GDAP1: variants seen among roughly 807,000 people sequenced by gnomAD.
The protein encoded by GDAP1 is ganglioside induced differentiation associated protein 1.
In GDAP1, 34 loss-of-function variants were observed where a neutral mutation model predicts 40.1. That is an observed-to-expected ratio of 0.85 (90% confidence interval 0.64 to 1.13). The LOEUF (loss-of-function observed/expected upper bound fraction) is 1.13, where lower values mean the gene tolerates loss of function less well. GDAP1 is among the 50% of genes most tolerant of loss of function. The probability of loss-of-function intolerance (pLI) is 0.00; values close to 1 mark genes in which losing one functional copy is unlikely to be tolerated. For missense variants in GDAP1, 374 were observed against 433.7 expected, an observed-to-expected ratio of 0.86 and a Z score of 1.22; for synonymous variants, 170 against 157.4, an observed-to-expected ratio of 1.08 and a Z score of -0.60.
chr8:74,433,715 C>T (rs1053075785), intron 2 of GDAP1, among the ~76,000 whole-genome samples: 3 of 152,054 alleles, frequency 2.0e-5, no homozygotes, highest in South Asian at 2.1e-4. Context: ...CTTTGGCTAT[C>T]GGGAGGTGAT....
At chr8:74,388,373 G>A (rs1166306987) in intron 2 of GDAP1, among the ~76,000 whole-genome samples, 2 of 151,736 alleles carry the variant, frequency 1.3e-5, no homozygotes, top group African/African-American at 2.4e-5. Context: ...ATTCTGGTAC[G>A]CTGTGTTTTT....
intron 2 of GDAP1, among the ~76,000 whole-genome samples, chr8:74,398,410 T>G (rs1810249654): frequency 6.6e-6 from 1 of 152,184 alleles, no homozygotes; most frequent in South Asian, 2.1e-4. Context: ...ATCCTGAGAC[T>G]TTGCTGAAGT....
chr8:74,426,923 G>A (rs1188543615), intron 2 of GDAP1, among the ~76,000 whole-genome samples: 1 of 152,106 alleles, frequency 6.6e-6, no homozygotes, highest in East Asian at 1.9e-4. Context: ...GATGGCACTT[G>A]GCTTACTTTG....
At chr8:74,476,923 G>T (rs1211479341) in intron 2 of GDAP1, among the ~76,000 whole-genome samples, 1 of 132,230 alleles carries the variant, frequency 7.6e-6, no homozygotes, top group Admixed American at 7.7e-5. Flanking sequence ...GGATACAAAT[G>T]AGTCATAAAT....
At chr8:74,370,656 T>C (rs1448911715), downstream of GDAP1, among the ~76,000 whole-genome samples, 1 of 152,184 alleles carries the variant, frequency 6.6e-6, no homozygotes, top group African/African-American at 2.4e-5. Flanking sequence ...TTGCATGATA[T>C]GTAAATGTAA....
chr8:74,428,589 C>A (rs1805983490), intron 2 of GDAP1, among the ~76,000 whole-genome samples: 1 of 143,650 alleles, frequency 7.0e-6, no homozygotes, highest in South Asian at 2.2e-4. Flanking sequence ...GCCTCAGCCT[C>A]CTGAGTAGCT....
At chr8:74,478,474 T>A (rs1279442799) in intron 2 of GDAP1, among the ~76,000 whole-genome samples, 1 of 151,980 alleles carries the variant, frequency 6.6e-6, no homozygotes. Context: ...GGAGCTATGA[T>A]GTGGGCCCCC....
intron 2 of GDAP1, among the ~76,000 whole-genome samples, chr8:74,467,568 C>G (rs1310110934): frequency 2.0e-5 from 3 of 152,094 alleles, no homozygotes; most frequent in Non-Finnish European, 4.4e-5. Context: ...TCAGTAGGGC[C>G]TGGAGGGTTC....
intron 2 of GDAP1, among the ~76,000 whole-genome samples, chr8:74,466,776 G>C (rs1303951900): frequency 6.6e-6 from 1 of 152,202 alleles, no homozygotes; most frequent in African/African-American, 2.4e-5. Flanking sequence ...TTCTGATCTA[G>C]AGATACGTAC....
intron 2 of GDAP1, among the ~76,000 whole-genome samples, chr8:74,457,972 G>A (rs1252281651): frequency 6.6e-6 from 1 of 152,032 alleles, no homozygotes; most frequent in Non-Finnish European, 1.5e-5. Flanking sequence ...TATGACTTAT[G>A]ATAATTCTTT....
At chr8:74,352,372 A>G (rs1808915156) in intron 2 of GDAP1, among the ~76,000 whole-genome samples, 1 of 152,096 alleles carries the variant, frequency 6.6e-6, no homozygotes, top group African/African-American at 2.4e-5. Context: ...AGGCTGTATG[A>G]GATTGTTACT....
chr8:74,465,608 A>G (rs535332920), intron 2 of GDAP1, among the ~76,000 whole-genome samples: 1 of 152,308 alleles, frequency 6.6e-6, no homozygotes, highest in Admixed American at 6.5e-5. Context: ...TGCTTAAAAT[A>G]ACCTCAAGCC....
In GDAP1 at chr8:74,402,222, C is replaced by T. The variant is rs534778826; in HGVS notation, c.165+50901C>T. On this transcript the variant is annotated intron_variant, in intron 2 of 2. Coordinates refer to the GDAP1 transcript ENST00000523640. ...TGGGCTCCACCCAATTGGAGCTTCC[C>T]GGCTGCTTTGTTTACCTAAGCAAGC... Among the ~76,000 whole-genome samples, 22 of 150,570 alleles carry T rather than the reference C, an allele frequency of 1.5e-4. 1 individual carries two copies. The highest frequency in any genetic ancestry group is 3.5e-4 in the African/African-American group (14 of 39,848).
chr8:74,487,307 G>A (rs61434329), intron 2 of GDAP1, among the ~76,000 whole-genome samples: 6,991 of 152,144 alleles, frequency 0.046, 249 homozygotes, highest in East Asian at 0.086. Context: ...CAAAGTGAGG[G>A]AAATAGGAAA....
intron 2 of GDAP1, among the ~76,000 whole-genome samples, chr8:74,433,878 GGA>G (rs1344952092): frequency 1.3e-5 from 2 of 152,150 alleles, no homozygotes; most frequent in East Asian, 3.9e-4. Flanking sequence ...TGAGCTTCCT[GGA>G]TTGGCAATAC....
chr8:74,372,276 A>G (rs1416644875), intron 2 of GDAP1, among the ~76,000 whole-genome samples: 1 of 152,196 alleles, frequency 6.6e-6, no homozygotes, highest in Admixed American at 6.5e-5. Flanking sequence ...TCCTTTGGGT[A>G]TATACCCGGT....
Position 74,362,935 on chromosome 8 carries a change from T to G in GDAP1, c.580-4T>G. The G allele has an allele frequency of 7.7e-7, 1 of 1,292,820 alleles. No individual in the cohort carries two copies. Among genetic ancestry groups the G allele is most frequent in the Non-Finnish European group, 1.1e-6 (1 of 886,932 alleles). The allele number at this position is 1,292,820 out of a possible 1,614,324, so 80.1% of individuals were successfully genotyped here. On this transcript the variant is annotated splice_region_variant and splice_polypyrimidine_tract_variant and intron_variant, in intron 4 of 5. Coordinates refer to ENST00000220822, the MANE Select transcript of GDAP1 (RefSeq NM_018972.4). Reference sequence around the variant, plus strand: ...TTTGGTTTCTTTTTTTGGTGGTTAATTAGTCAAAGCTGCTTGATCATGACA... The same window carrying G: ...TTTGGTTTCTTTTTTTGGTGGTTAAGTAGTCAAAGCTGCTTGATCATGACA...
At chr8:74,449,778 GTT>G (rs749231191) in intron 2 of GDAP1, among the ~76,000 whole-genome samples, 14 of 151,382 alleles carry the variant, frequency 9.2e-5, no homozygotes, top group Non-Finnish European at 1.9e-4. Flanking sequence ...GACTTTTTTT[GTT>G]TTCTTTCCTT....
At position 74,365,408 on chromosome 8, in the gene GDAP1, T is replaced by TG. The variant is rs779634391; in HGVS notation, c.*1048dup. 6.6e-5 allele frequency: 30 copies of TG among 453,598 alleles called. No individual in the cohort carries two copies. Among genetic ancestry groups the TG allele is most frequent in the South Asian group, 4.5e-4 (29 of 64,432 alleles). 28.1% of individuals were successfully genotyped at this position (453,598 alleles called of 1,614,324 possible). A position where few individuals can be genotyped will look rare whatever the true frequency, so the allele number is the denominator to read the frequency against. ...TTCACTGATGTATGTTTAAGGGATT[T>TG]GGGGGGGATACCTCAGTTCATGTGG... On this transcript the variant is annotated 3_prime_UTR_variant, in exon 6 of 6. Transcript: ENST00000220822.
Sources: allele counts gnomAD v4.1 joint callset (sites outside exome capture counted in the v4.1 genomes callset), GRCh38; gene constraint gnomAD v4.1.1; transcripts MANE v1.5; gene names NCBI Gene and HGNC (gene_info 2026-07-23, HGNC 2026-07-21).